The following WWOX variants were observed in gnomAD, a reference collection of about 807,000 sequenced individuals.
WWOX encodes WW domain containing oxidoreductase, also known as WW domain-containing oxidoreductase.
WWOX carries 69 observed loss-of-function variants against 46.2 expected under a neutral mutation model. The observed-to-expected ratio is 1.49, with a 90% confidence interval of 1.23 to 1.82. WWOX has a LOEUF of 1.82. Among genes scored for constraint, WWOX ranks in the 40% most tolerant of loss-of-function variants. WWOX has a pLI of 0.00. For synonymous variants in WWOX, 359 were observed against 202.6 expected (o/e 1.77, Z -6.56); for missense variants, 919 against 542.6 (o/e 1.69, Z -6.89).
intron 8 of WWOX, among the ~76,000 whole-genome samples, chr16:78,729,401 C>G (rs1286041690): frequency 6.6e-6 from 1 of 151,694 alleles, no homozygotes. Context: ...CATCCTAATT[C>G]CTGTAACACG....
At chr16:79,004,151 A>T (rs1049452751) in intron 8 of WWOX, 5 of 152,220 alleles carry the variant, frequency 3.3e-5, no homozygotes, top group African/African-American at 1.2e-4. Flanking sequence ...CACATCAGGC[A>T]ATTCCAAGAG....
intron 8 of WWOX, among the ~76,000 whole-genome samples, chr16:79,187,613 G>A (rs1429088317): frequency 6.6e-6 from 1 of 152,174 alleles, no homozygotes; most frequent in Non-Finnish European, 1.5e-5. Flanking sequence ...CACCATGTTG[G>A]CCAGGCTGGT....
chr16:78,721,617 A>G lies in WWOX; in HGVS notation c.1056+288865A>G, dbSNP rs190731068. Among the ~76,000 whole-genome samples the G allele has an allele frequency of 2.0e-5, 3 of 152,316 alleles. No homozygotes were observed. The East Asian group carries it at 5.8e-4, about 29-fold the overall frequency. On this transcript the variant is annotated intron_variant, in intron 8 of 8. Coordinates refer to ENST00000566780, the MANE Select transcript of WWOX (RefSeq NM_016373.4). Reference sequence around the variant, plus strand: ...AGAAATATTTTTTATAAAGCAGGACATGTGCTTTGAAATTTGATTCCTCCG... The same window carrying G: ...AGAAATATTTTTTATAAAGCAGGACGTGTGCTTTGAAATTTGATTCCTCCG...
At chr16:78,197,638 G>A in intron 5 of WWOX, among the ~76,000 whole-genome samples, 1 of 152,164 alleles carries the variant, frequency 6.6e-6, no homozygotes, top group East Asian at 1.9e-4. Flanking sequence ...CTAAGGAGAG[G>A]GGGAGAAGGG....
intron 5 of WWOX, among the ~76,000 whole-genome samples, chr16:78,333,755 A>T (rs11647326): frequency 6.6e-6 from 1 of 152,126 alleles, no homozygotes; most frequent in Admixed American, 6.5e-5. Context: ...TCCTCTGTTC[A>T]GCAAACGTGA....
chr16:78,528,916 C>CT (rs1004109163), intron 8 of WWOX, among the ~76,000 whole-genome samples: 1,697 of 145,900 alleles, frequency 0.012, 22 homozygotes, highest in Middle Eastern at 0.047. Context: ...AAAAAACTTT[C>CT]TTTTTTTTTT....
Position 78,785,787 on chromosome 16 carries a change from T to A in WWOX, c.1056+353035T>A, listed in dbSNP as rs189619418. Among the ~76,000 whole-genome samples the A allele has an allele frequency of 2.0e-3, 308 of 152,020 alleles. 2 individuals are homozygous for A. Among genetic ancestry groups the A allele is most frequent in the African/African-American group, 7.2e-3 (298 of 41,544 alleles). On this transcript the variant is annotated intron_variant, in intron 8 of 8. Transcript: ENST00000566780. ...ATGTCAGAACTTCACTTATCCTTCTTTGCTGAATTGGATAATGGTTTTAAA... is the reference window on the plus strand; with the variant it reads ...ATGTCAGAACTTCACTTATCCTTCTATGCTGAATTGGATAATGGTTTTAAA...
intron 8 of WWOX, among the ~76,000 whole-genome samples, chr16:78,458,473 C>G (rs2083879022): frequency 6.6e-6 from 1 of 151,956 alleles, no homozygotes; most frequent in Non-Finnish European, 1.5e-5. Flanking sequence ...GTTGCCCAGG[C>G]TGGTCTGGAA....
chr16:78,969,342 C>A (rs913534523), intron 8 of WWOX, among the ~76,000 whole-genome samples: 2 of 151,798 alleles, frequency 1.3e-5, no homozygotes, highest in East Asian at 3.9e-4. Flanking sequence ...CTATCTTGGC[C>A]CACTGCACCC....
chr16:78,574,493 G>C (rs138916178), intron 8 of WWOX, among the ~76,000 whole-genome samples: 3,302 of 152,176 alleles, frequency 0.022, 48 homozygotes, highest in Non-Finnish European at 0.031. Flanking sequence ...GTCGGTGGTT[G>C]CTTCCTTCCT....
chr16:78,331,391 A>G (rs2151892440), intron 5 of WWOX, among the ~76,000 whole-genome samples: 2 of 152,372 alleles, frequency 1.3e-5, no homozygotes, highest in South Asian at 4.1e-4. Context: ...ACAGGCAACC[A>G]GGTAATAAAC....
chr16:78,424,382 A>C (rs943203618), intron 6 of WWOX, among the ~76,000 whole-genome samples: 1 of 152,002 alleles, frequency 6.6e-6, no homozygotes, highest in Non-Finnish European at 1.5e-5. Flanking sequence ...GGCCTCCCAA[A>C]GTGCTGGGAT....
intron 8 of WWOX, among the ~76,000 whole-genome samples, chr16:79,069,543 A>C (rs2048509250): frequency 1.3e-5 from 2 of 149,530 alleles, no homozygotes; most frequent in South Asian, 4.2e-4. Context: ...CATAAAAAAG[A>C]ATCTTTATTG....
chr16:78,533,901 C>G (rs34672666), intron 8 of WWOX, among the ~76,000 whole-genome samples: 2,168 of 152,262 alleles, frequency 0.014, 23 homozygotes, highest in African/African-American at 0.027. Context: ...GTGTGTCCAT[C>G]TTGTTAACAG....
Position 78,642,086 on chromosome 16 carries a change from T to A in WWOX, c.1056+209334T>A, listed in dbSNP as rs529906892. Among the ~76,000 whole-genome samples the A allele has an allele frequency of 7.9e-5, 12 of 152,354 alleles. No individual in the cohort carries two copies. The East Asian group carries it at 9.6e-4, about 12-fold the overall frequency. On this transcript the variant is annotated intron_variant, in intron 8 of 8. Coordinates refer to ENST00000566780, the MANE Select transcript of WWOX (RefSeq NM_016373.4). ...GTACATTGAGTGTGACATGCCTGTG[T>A]AGGAGACTGTCTGTCCCCCAAATAA...
At chr16:78,144,006 A>T (rs527772939) in intron 4 of WWOX, among the ~76,000 whole-genome samples, 2 of 152,250 alleles carry the variant, frequency 1.3e-5, no homozygotes, top group East Asian at 3.9e-4. Flanking sequence ...AATCATACAC[A>T]TGAAGGTCTT....
At chr16:78,369,339 A>G (rs1484574951) in intron 5 of WWOX, among the ~76,000 whole-genome samples, 1 of 151,736 alleles carries the variant, frequency 6.6e-6, no homozygotes, top group East Asian at 1.9e-4. Flanking sequence ...GAAGCAAGAG[A>G]AAAAAACGTG....
chr16:78,385,534 C>G (rs992385123), intron 5 of WWOX, among the ~76,000 whole-genome samples: 13 of 152,160 alleles, frequency 8.5e-5, no homozygotes, highest in Non-Finnish European at 4.4e-5. Flanking sequence ...TTCTAGCTGT[C>G]ACTGCCTGAT....
intron 8 of WWOX, among the ~76,000 whole-genome samples, chr16:78,478,542 C>T (rs1055022470): frequency 1.1e-4 from 16 of 152,116 alleles, no homozygotes; most frequent in Middle Eastern, 3.2e-3. Flanking sequence ...AGCCTACTCT[C>T]CTCTCTCGAA....
Sources: allele counts gnomAD v4.1 joint callset (sites outside exome capture counted in the v4.1 genomes callset), GRCh38; gene constraint gnomAD v4.1.1; transcripts MANE v1.5; gene names NCBI Gene and HGNC (gene_info 2026-07-23, HGNC 2026-07-21).